GOLGA3: variants seen among roughly 807,000 people sequenced by gnomAD.
The protein encoded by GOLGA3 is golgin subfamily A member 3.
GOLGA3 carries 75 observed loss-of-function variants against 169.4 expected under a neutral mutation model. That is an observed-to-expected ratio of 0.44 (90% confidence interval 0.37 to 0.54). The LOEUF (loss-of-function observed/expected upper bound fraction) is 0.54. Among genes scored for constraint, GOLGA3 ranks in the 20% least tolerant of loss-of-function variants. The pLI, the probability that GOLGA3 is intolerant of heterozygous loss-of-function variation, is 0.00. For synonymous variants in GOLGA3, 824 were observed against 822.4 expected, an observed-to-expected ratio of 1.00 and a Z score of -0.03; for missense variants, 1,899 against 1,930.0, an observed-to-expected ratio of 0.98 and a Z score of 0.30.
In GOLGA3 at chr12:132,782,227, T is replaced by C. The variant is rs1477211698; in HGVS notation, c.3465+69A>G. ...CACAGGTGACTGAATCTGGATGAGA[T>C]TCTCGGAGTGCGCACAGCCCCACCA... On this transcript the variant is annotated intron_variant, in intron 17 of 23. Transcript: ENST00000450791. 11 of 1,334,812 alleles carry C rather than the reference T, an allele frequency of 8.2e-6. No individual in the cohort carries two copies. The Admixed American group carries it at 1.8e-4, about 22-fold the overall frequency. The allele number at this position is 1,334,812 out of a possible 1,614,324, so 82.7% of individuals were successfully genotyped here. A position where few individuals can be genotyped will look rare whatever the true frequency, so the allele number is the denominator to read the frequency against.
chr12:132,792,727 G>A lies in GOLGA3; in HGVS notation c.2470-1434C>T, dbSNP rs113567263. ...TCGGAGGGCTCCACACGGACCGACC[G>A]CACGGGACCTGCACTCGGAGGGCTC... is the stretch of plus-strand genomic sequence containing the variant. On this transcript the variant is annotated intron_variant, in intron 11 of 23. Transcript: ENST00000450791. Among the ~76,000 whole-genome samples the A allele has an allele frequency of 8.6e-4, 83 of 96,968 alleles. 1 individual carries two copies. Among genetic ancestry groups the A allele is most frequent in the Middle Eastern group, 7.1e-3 (1 of 140 alleles). 63.6% of individuals were successfully genotyped at this position (96,968 alleles called of 152,430 possible). A position where few individuals can be genotyped will look rare whatever the true frequency, so the allele number is the denominator to read the frequency against.
intron 1 of GOLGA3, among the ~76,000 whole-genome samples, chr12:132,827,317 T>C (rs1179549346): frequency 6.6e-6 from 1 of 152,206 alleles, no homozygotes; most frequent in Non-Finnish European, 1.5e-5. Context: ...GCAAGCCTCA[T>C]GTCACTGCAG....
intron 21 of GOLGA3, among the ~76,000 whole-genome samples, 199 bp from the exon 22 acceptor site, chr12:132,775,504 G>A (rs2045178212): frequency 6.6e-6 from 1 of 152,186 alleles, no homozygotes; most frequent in South Asian, 2.1e-4. Flanking sequence ...ACAACTACCA[G>A]CTGAGTATCC....
intron 23 of GOLGA3, 129 bp downstream of exon 23, chr12:132,774,028 T>G: frequency 1.3e-6 from 1 of 775,790 alleles, no homozygotes; most frequent in Non-Finnish European, 2.0e-6. Context: ...TGTATGCGAG[T>G]CCCCCACCCT....
At chr12:132,778,305 C>T (rs902065844) in intron 18 of GOLGA3, among the ~76,000 whole-genome samples, 7 of 149,598 alleles carry the variant, frequency 4.7e-5, no homozygotes, top group Non-Finnish European at 8.9e-5. Flanking sequence ...CCAGGCGTGG[C>T]GGCTCACGCC....
chr12:132,774,677 A>G, intron 22 of GOLGA3: 2 of 397,736 alleles, frequency 5.0e-6, no homozygotes, highest in Non-Finnish European at 9.0e-6. Flanking sequence ...TAAGTTTTCC[A>G]GCTTAGGCTC....
At position 132,791,221 on chromosome 12, in the gene GOLGA3, G is replaced by T. The variant is rs757694676; in HGVS notation, c.2542C>A (p.Gln848Lys). The T allele has an allele frequency of 6.3e-7, 1 of 1,582,676 alleles. No homozygotes were observed. Among genetic ancestry groups the T allele is most frequent in the South Asian group, 1.1e-5 (1 of 90,286 alleles). ...AATCAACAACAGATTTTTACCTTTT[G>T]TTGGAGAAACTGTTCCTTTATTTTT... ...MQKIKEQFLQ[Q>K]KVMVEAYRRD... is the part of the protein sequence containing the mutation. Residue 848 changes from glutamine to lysine, a missense_variant, in exon 12 of 24, where the codon CAA becomes AAA. Coordinates refer to ENST00000450791, the MANE Select transcript of GOLGA3 (RefSeq NM_001389683.1).
At chr12:132,782,562 G>A in intron 16 of GOLGA3, 69 bp from the exon 17 acceptor site, 1 of 1,273,150 alleles carries the variant, frequency 7.9e-7, no homozygotes, top group East Asian at 2.3e-5. Flanking sequence ...CCCAGAAACA[G>A]GTGAGTTTTC....
chr12:132,796,538 C>CCTGCTCCAGCTG lies in GOLGA3; in HGVS notation c.2089_2100dup (p.Gln697_Gln700dup). The CCTGCTCCAGCTG allele has an allele frequency of 6.2e-7, 1 of 1,608,488 alleles. No individual in the cohort carries two copies. The highest frequency in any genetic ancestry group is 1.1e-5 in the South Asian group (1 of 90,872). On this transcript the variant is annotated inframe_insertion and splice_region_variant. Transcript: ENST00000450791. ...CAGCCTGAAGGGCTGCAGGGACTTA[C>CCTGCTCCAGCTG]CTGCTCCAGCTGCTGCTCCAGGGAT... is the stretch of plus-strand genomic sequence containing the variant.
At chr12:132,803,094 A>T (rs7295686) in intron 7 of GOLGA3, among the ~76,000 whole-genome samples, 3 of 86,630 alleles carry the variant, frequency 3.5e-5, no homozygotes, top group African/African-American at 1.9e-4. Flanking sequence ...AAAACAACAA[A>T]AAAAAACACT....
intron 2 of GOLGA3, among the ~76,000 whole-genome samples, chr12:132,818,712 A>G (rs57166543): frequency 0.11 from 16,260 of 152,158 alleles, 1,776 homozygotes; most frequent in East Asian, 0.5. Context: ...TCACATTTAC[A>G]AAGGCTGATT....
In GOLGA3 at chr12:132,807,168, G is replaced by C. The variant is rs754076966; in HGVS notation, c.1290+9C>G. On this transcript the variant is annotated intron_variant, in intron 6 of 23. Coordinates refer to ENST00000450791, the MANE Select transcript of GOLGA3 (RefSeq NM_001389683.1). ...CCGCACGCTGAGATGTCAGTCGAAC[G>C]TCCGTTACCTGACTCGCCTCCAGTG... is the stretch of plus-strand genomic sequence containing the variant. 1 of 1,559,122 alleles carries C rather than the reference G, an allele frequency of 6.4e-7. No homozygotes were observed. Among genetic ancestry groups the C allele is most frequent in the Admixed American group, 1.7e-5 (1 of 57,714 alleles).
intron 18 of GOLGA3, among the ~76,000 whole-genome samples, chr12:132,778,567 T>C (rs1234489095): frequency 1.3e-5 from 2 of 150,762 alleles, no homozygotes; most frequent in Non-Finnish European, 2.9e-5. Context: ...CGAGACTCCA[T>C]CTCAAAATCT....
Position 132,815,338 on chromosome 12 carries a change from T to A in GOLGA3, c.406+1202A>T, listed in dbSNP as rs138772137. Among the ~76,000 whole-genome samples, 730 of 152,250 alleles carry A rather than the reference T, an allele frequency of 4.8e-3. 3 individuals carry two copies. The highest frequency in any genetic ancestry group is 0.017 in the African/African-American group (689 of 41,546). Reference sequence around the variant, plus strand: ...CAGCAGGAACAGGTGACCAGGGGCATCCCGCAAAGGTGTGCACGTAGACCC... The same window carrying A: ...CAGCAGGAACAGGTGACCAGGGGCAACCCGCAAAGGTGTGCACGTAGACCC... On this transcript the variant is annotated intron_variant, in intron 3 of 23. Transcript: ENST00000450791.
At chr12:132,814,080 A>G (rs570120360) in intron 3 of GOLGA3, among the ~76,000 whole-genome samples, 3 of 143,168 alleles carry the variant, frequency 2.1e-5, no homozygotes, top group Non-Finnish European at 4.5e-5. Flanking sequence ...GCTGGAGTGC[A>G]ATGGTGCGAT....
chr12:132,776,091 T>C (rs1052301490), intron 21 of GOLGA3, among the ~76,000 whole-genome samples: 1 of 152,238 alleles, frequency 6.6e-6, no homozygotes, highest in Non-Finnish European at 1.5e-5. Context: ...GCAGGCCGCA[T>C]GGCACAGGAA....
chr12:132,792,187 C>T (rs1948563077), intron 11 of GOLGA3, among the ~76,000 whole-genome samples: 1 of 152,176 alleles, frequency 6.6e-6, no homozygotes, highest in Non-Finnish European at 1.5e-5. Context: ...ACTGGTGGTT[C>T]CTAAGGCCTG....
chr12:132,820,176 C>T (rs1238176698), intron 2 of GOLGA3, among the ~76,000 whole-genome samples: 1 of 140,558 alleles, frequency 7.1e-6, no homozygotes, highest in Non-Finnish European at 1.6e-5. Flanking sequence ...AACTCCGTCT[C>T]AAAAAAAAAA....
intron 18 of GOLGA3, among the ~76,000 whole-genome samples, chr12:132,780,038 GACACCCCCCCGCGCACATACACACAC>G (rs2045490755): frequency 8.0e-6 from 1 of 124,812 alleles, no homozygotes; most frequent in Non-Finnish European, 1.6e-5. Flanking sequence ...CCCTTGCACG[GACACCCCCCCGCGCACATACACACAC>G]ACACCCCAGG....
Sources: allele counts gnomAD v4.1 joint callset (sites outside exome capture counted in the v4.1 genomes callset), GRCh38; gene constraint gnomAD v4.1.1; transcripts MANE v1.5; gene names NCBI Gene and HGNC (gene_info 2026-07-23, HGNC 2026-07-21).